SKAP1: variants seen among roughly 807,000 people sequenced by gnomAD.
The protein encoded by SKAP1 is src kinase associated phosphoprotein 1, also known as src kinase-associated phosphoprotein 1.
SKAP1 carries 44 observed loss-of-function variants against 58.5 expected under a neutral mutation model. The observed-to-expected ratio is 0.75, with a 90% CI of 0.59 to 0.97. The LOEUF (loss-of-function observed/expected upper bound fraction) is 0.97, where lower values mean the gene tolerates loss of function less well. Ranked by LOEUF, SKAP1 falls within the 50% of genes least tolerant of loss-of-function variation. The probability of loss-of-function intolerance (pLI) is 0.00; values close to 1 mark genes in which losing one functional copy is unlikely to be tolerated. For missense variants in SKAP1, 390 were observed against 435.2 expected (o/e 0.90, Z 0.92); for synonymous variants, 127 against 149.7 (o/e 0.85, Z 1.11).
chr17:48,205,037 T>TTCTTTCTTTCTTTC (rs1567820039), intron 4 of SKAP1, among the ~76,000 whole-genome samples: 70 of 55,766 alleles, frequency 1.3e-3, no homozygotes, highest in Admixed American at 2.8e-3. Flanking sequence ...CTTTCTTTCT[T>TTCTTTCTTTCTTTC]TCTCTCTCTC....
At chr17:48,316,819 A>G (rs1475071341) in intron 4 of SKAP1, among the ~76,000 whole-genome samples, 4 of 151,196 alleles carry the variant, frequency 2.6e-5, no homozygotes, top group Non-Finnish European at 5.9e-5. Context: ...ACTGCTAAAA[A>G]TCAGCTCTCT....
Position 48,281,442 on chromosome 17 carries a change from A to T in SKAP1, c.280+64463T>A, listed in dbSNP as rs570472620. On this transcript the variant is annotated intron_variant, in intron 4 of 12. Transcript: ENST00000336915. ...CTTCTCACTGCTCCTAGTGCCTGTGATGCTCTCCAAGTGGAGACTGCCTGA... is the reference window on the plus strand; with the variant it reads ...CTTCTCACTGCTCCTAGTGCCTGTGTTGCTCTCCAAGTGGAGACTGCCTGA... Among the ~76,000 whole-genome samples the T allele has an allele frequency of 3.9e-5, 6 of 152,324 alleles. No individual in the cohort carries two copies. In the East Asian group the frequency reaches 1.2e-3, roughly 29 times the overall value.
At chr17:48,185,982 A>C (rs1459020997) in intron 6 of SKAP1, 1 of 152,022 alleles carries the variant, frequency 6.6e-6, no homozygotes, top group Non-Finnish European at 1.5e-5. Flanking sequence ...AAAGCTTCCG[A>C]GTCTCTTGCT....
chr17:48,299,570 ATGTG>A (rs34889554), intron 4 of SKAP1, among the ~76,000 whole-genome samples: 1 of 151,310 alleles, frequency 6.6e-6, no homozygotes, highest in Non-Finnish European at 1.5e-5. Context: ...ATATATATGT[ATGTG>A]TGTGTGTGTG....
chr17:48,170,805 G>T, intron 9 of SKAP1, 146 bp from the exon 10 acceptor site: 2 of 693,528 alleles, frequency 2.9e-6, no homozygotes, highest in East Asian at 2.6e-5. Context: ...CCACGTCTGG[G>T]GTTCAAGGGA....
chr17:48,310,706 T>C (rs2066211065), intron 4 of SKAP1, among the ~76,000 whole-genome samples: 1 of 151,588 alleles, frequency 6.6e-6, no homozygotes, highest in Non-Finnish European at 1.5e-5. Context: ...ATAATTTCAA[T>C]GTAAGAAATA....
At chr17:48,186,703 C>G (rs2143503084) in intron 6 of SKAP1, among the ~76,000 whole-genome samples, 1 of 150,114 alleles carries the variant, frequency 6.7e-6, no homozygotes, top group East Asian at 2.2e-4. Context: ...AACTCCTGAC[C>G]TCATGATCTG....
chr17:48,170,625 G>A lies in SKAP1; in HGVS notation c.861C>T (p.Gly287=), dbSNP rs1000468618. 2 of 1,613,494 alleles carry A rather than the reference G, an allele frequency of 1.2e-6. No individual in the cohort carries two copies. Among genetic ancestry groups the A allele is most frequent in the Non-Finnish European group, 1.7e-6 (2 of 1,179,812 alleles). ...CTCTTATACCTCCTTTTCGTCGAGT[G>A]CCACTCTCATCCTCTTCTAGATCAT... is the stretch of plus-strand genomic sequence containing the variant. ...EEHDLEEDES[G]TRRKGVDYAS... is the part of the protein sequence containing the mutation. Residue 287 remains glycine (G), a synonymous_variant, in exon 10 of 13, where the codon GGC becomes GGT. Coordinates refer to ENST00000336915, the MANE Select transcript of SKAP1 (RefSeq NM_003726.4).
chr17:48,313,790 A>T (rs2066255155), intron 4 of SKAP1, among the ~76,000 whole-genome samples: 1 of 152,166 alleles, frequency 6.6e-6, no homozygotes. Context: ...AACACAGGCA[A>T]TATCAATAGA....
chr17:48,396,700 G>A lies in SKAP1; in HGVS notation c.132C>T (p.Gly44=), dbSNP rs1188423886. The A allele has an allele frequency of 6.2e-7, 1 of 1,611,888 alleles. No individual in the cohort carries two copies. ...CAAACCTGGCTTTGATTTGCTGAAA[G>A]CCCCGTAGAATATGGTCTCTGTGAT... is the stretch of plus-strand genomic sequence containing the variant. ...ARDHRDHILR[G]FQQIKARYYW... Residue 44 remains glycine, a synonymous_variant, in exon 2 of 13, where the codon GGC becomes GGT. Transcript: ENST00000336915.
chr17:48,155,641 G>A (rs1193700316), intron 11 of SKAP1, among the ~76,000 whole-genome samples: 2 of 151,538 alleles, frequency 1.3e-5, no homozygotes, highest in African/African-American at 4.9e-5. Flanking sequence ...TGGATCACCT[G>A]AGGCCAGGAG....
chr17:48,443,460 C>CTGTTTGTTTGTT, the SKAP1 span, among the ~76,000 whole-genome samples: 261 of 150,100 alleles, frequency 1.7e-3, 1 homozygote, highest in Non-Finnish European at 2.4e-3. Context: ...CAAGGTAAGT[C>CTGTTTGTTTGTT]TGTTTGTTTG....
At chr17:48,420,905 A>G (rs1246729398) in intron 1 of SKAP1, among the ~76,000 whole-genome samples, 1 of 152,158 alleles carries the variant, frequency 6.6e-6, no homozygotes, top group African/African-American at 2.4e-5. Flanking sequence ...CCGAGCTGTA[A>G]CAACCAAAAC....
intron 4 of SKAP1, among the ~76,000 whole-genome samples, chr17:48,205,037 T>TTTTCTTTCTTTCTTTC (rs1567820035): frequency 7.2e-5 from 4 of 55,798 alleles, no homozygotes; most frequent in East Asian, 5.8e-4. Context: ...CTTTCTTTCT[T>TTTTCTTTCTTTCTTTC]TCTCTCTCTC....
intron 4 of SKAP1, among the ~76,000 whole-genome samples, chr17:48,231,676 G>A (rs2065127784): frequency 6.6e-6 from 1 of 152,122 alleles, no homozygotes; most frequent in Admixed American, 6.5e-5. Flanking sequence ...ATGACAGTGG[G>A]GGTTAAGTTC....
intron 11 of SKAP1, among the ~76,000 whole-genome samples, chr17:48,147,538 T>C (rs2063846307): frequency 6.6e-6 from 1 of 152,180 alleles, no homozygotes; most frequent in South Asian, 2.1e-4. Context: ...AAAACAAGGC[T>C]GGGAACAAGA....
intron 4 of SKAP1, among the ~76,000 whole-genome samples, chr17:48,248,277 T>C (rs1022912397): frequency 2.0e-5 from 3 of 152,100 alleles, no homozygotes; most frequent in African/African-American, 4.8e-5. Context: ...TGAAAAACTA[T>C]AGGGGAGGAT....
chr17:48,190,977 T>G (rs1161570713), intron 4 of SKAP1, among the ~76,000 whole-genome samples: 1 of 152,230 alleles, frequency 6.6e-6, no homozygotes, highest in East Asian at 1.9e-4. Flanking sequence ...AGGATGAGAC[T>G]TCGTCTCAAA....
chr17:48,260,231 A>T (rs1453913452), intron 4 of SKAP1, among the ~76,000 whole-genome samples: 1 of 152,180 alleles, frequency 6.6e-6, no homozygotes, highest in Admixed American at 6.6e-5. Context: ...AGCATGAAAT[A>T]CATAAATTTA....
Sources: allele counts gnomAD v4.1 joint callset (sites outside exome capture counted in the v4.1 genomes callset), GRCh38; gene constraint gnomAD v4.1.1; transcripts MANE v1.5; gene names NCBI Gene and HGNC (gene_info 2026-07-23, HGNC 2026-07-21).